PARD3B: variants seen among roughly 807,000 people sequenced by gnomAD.
The protein encoded by PARD3B is par-3 family cell polarity regulator beta, also known as partitioning defective 3 homolog B.
A neutral mutation model predicts 130.2 loss-of-function variants in PARD3B; 103 were observed. That is an observed-to-expected ratio of 0.79 (90% CI 0.67 to 0.93). The LOEUF (loss-of-function observed/expected upper bound fraction) is 0.93. PARD3B is among the 40% of genes least tolerant of loss of function. PARD3B has a pLI of 0.00. For missense variants in PARD3B, 1,609 were observed against 1,499.2 expected, an observed-to-expected ratio of 1.07 and a Z score of -1.21; for synonymous variants, 583 against 553.2, an observed-to-expected ratio of 1.05 and a Z score of -0.76.
chr2:204,720,828 C>T (rs2125319335), intron 2 of PARD3B, among the ~76,000 whole-genome samples: 1 of 152,222 alleles, frequency 6.6e-6, no homozygotes, highest in African/African-American at 2.4e-5. Flanking sequence ...GCGGAAGTTT[C>T]AGCTGAAGGT....
At chr2:204,764,575 T>G (rs1263434970) in intron 2 of PARD3B, among the ~76,000 whole-genome samples, 1 of 152,092 alleles carries the variant, frequency 6.6e-6, no homozygotes, top group African/African-American at 2.4e-5. Flanking sequence ...TTGATAGAAG[T>G]TTTACTAAGA....
At chr2:204,583,480 T>C (rs1404726177) in intron 1 of PARD3B, among the ~76,000 whole-genome samples, 1 of 64,902 alleles carries the variant, frequency 1.5e-5, no homozygotes, top group Non-Finnish European at 3.0e-5. Flanking sequence ...TGTGGTGGGG[T>C]GGGGGGAGGG....
In PARD3B at chr2:205,200,112, A is replaced by C. The variant is rs535703638; in HGVS notation, c.2140+6792A>C. The stretch of plus-strand genomic sequence containing the variant: ...CATATAGGTTATGTTGATGTTTATA[A>C]AAGTATTTCCATTTGTTTTCTTATT... On this transcript the variant is annotated intron_variant, in intron 15 of 22. Transcript: ENST00000406610. Among the ~76,000 whole-genome samples, 54 of 152,304 alleles carry C rather than the reference A, an allele frequency of 3.5e-4. 1 individual carries two copies. Among genetic ancestry groups the C allele is most frequent in the South Asian group, 3.3e-3 (16 of 4,826 alleles).
Position 205,158,767 on chromosome 2 carries a change from C to T in PARD3B, c.1480C>T (p.Gln494Ter). 6.2e-7 allele frequency: 1 copy of T among 1,614,142 alleles called. No homozygotes were observed. Among genetic ancestry groups the T allele is most frequent in the Non-Finnish European group, 8.5e-7 (1 of 1,179,994 alleles). Residue 494 changes from glutamine to a stop codon, truncating the protein, a stop_gained, in exon 11 of 23, where the codon CAG (glutamine) becomes TAG (stop). Transcript: ENST00000406610. LOFTEE classifies it high-confidence loss of function. The surrounding 1 kb of genome is among the most constrained non-coding windows in gnomAD (Gnocchi z 5.4). ...CCALSLETSE[Q>*]LTFEIPLNDS... is the part of the protein sequence containing the mutation. ...TGCACTCTCTCTGGAGACAAGCGAG[C>T]AGCTCACCTTTGAGATCCCCCTGAA...
At chr2:204,893,022 G>T (rs1174353474) in intron 2 of PARD3B, among the ~76,000 whole-genome samples, 1 of 152,130 alleles carries the variant, frequency 6.6e-6, no homozygotes, top group Non-Finnish European at 1.5e-5. Flanking sequence ...CATAAAACTG[G>T]ATGAGACCAC....
At chr2:204,893,310 G>A (rs575195583) in intron 2 of PARD3B, among the ~76,000 whole-genome samples, 1 of 152,256 alleles carries the variant, frequency 6.6e-6, no homozygotes, top group South Asian at 2.1e-4. Flanking sequence ...GTATGAAAGT[G>A]GAGGCAGTGA....
At chr2:205,169,814 A>G (rs901317111) in intron 11 of PARD3B, among the ~76,000 whole-genome samples, 2 of 152,202 alleles carry the variant, frequency 1.3e-5, no homozygotes, top group African/African-American at 4.8e-5. Flanking sequence ...TTTTAGTAAC[A>G]AGATTCAGCC....
At chr2:205,245,742 G>A (rs377415999) in intron 15 of PARD3B, 36 bp from the exon 16 acceptor site, 64 of 1,517,446 alleles carry the variant, frequency 4.2e-5, no homozygotes, top group Admixed American at 1.0e-4. Flanking sequence ...TTTACAAGCC[G>A]GTCTGATCCT....
intron 2 of PARD3B, among the ~76,000 whole-genome samples, chr2:204,724,729 T>C (rs1319786684): frequency 1.3e-5 from 2 of 152,002 alleles, no homozygotes; most frequent in African/African-American, 4.8e-5. Flanking sequence ...GAAAATACTG[T>C]CCTTGCTTTC....
At chr2:205,294,534 C>T (rs1390203608) in intron 16 of PARD3B, among the ~76,000 whole-genome samples, 5 of 152,092 alleles carry the variant, frequency 3.3e-5, no homozygotes, top group Admixed American at 3.3e-4. Flanking sequence ...CATTTGAACA[C>T]ACTTGAAGGG....
chr2:205,046,289 A>G (rs890256403), intron 3 of PARD3B, among the ~76,000 whole-genome samples: 2 of 151,790 alleles, frequency 1.3e-5, no homozygotes. Context: ...TCAAAGAACA[A>G]TTGCCAACCG....
intron 3 of PARD3B, among the ~76,000 whole-genome samples, chr2:204,983,353 G>T (rs6717826): frequency 1.3e-4 from 19 of 150,426 alleles, no homozygotes; most frequent in Middle Eastern, 3.2e-3. Context: ...GGTTCCAACC[G>T]AGGCTTTAAT....
intron 1 of PARD3B, among the ~76,000 whole-genome samples, chr2:204,631,290 A>C (rs2034671730): frequency 6.7e-6 from 1 of 148,714 alleles, no homozygotes; most frequent in Non-Finnish European, 1.5e-5. Context: ...TCGCTCTGTC[A>C]CCAGGCTGCA....
At chr2:204,768,719 C>A (rs2041242726) in intron 2 of PARD3B, among the ~76,000 whole-genome samples, 1 of 50,030 alleles carries the variant, frequency 2.0e-5, no homozygotes, top group Non-Finnish European at 3.6e-5. Context: ...TCCTTCACAT[C>A]CCTTGTAAGT....
intron 21 of PARD3B, among the ~76,000 whole-genome samples, chr2:205,520,309 G>A (rs1300084491): frequency 6.6e-6 from 1 of 152,134 alleles, no homozygotes; most frequent in Non-Finnish European, 1.5e-5. Context: ...GGGAAACATG[G>A]GAGATGGACT....
rs879622608 is a variant in PARD3B, at chr2:205,116,269, C to T, written c.681-2652C>T. On this transcript the variant is annotated intron_variant, in intron 6 of 22. Coordinates refer to ENST00000406610, the MANE Select transcript of PARD3B (RefSeq NM_001302769.2). The surrounding 1 kb of genome is among the most constrained non-coding windows in gnomAD (Gnocchi z 4.5). ...GTTTCAGTACAGATGCATAATATGC[C>T]TCAGTTTCATAGGGAAGACAGCTAA... 2.6e-5 allele frequency among the ~76,000 whole-genome samples: 4 copies of T among 151,944 alleles called. No individual in the cohort carries two copies. Among genetic ancestry groups the T allele is most frequent in the Admixed American group, 2.0e-4 (3 of 15,244 alleles).
chr2:204,668,205 T>C (rs1200091523), intron 1 of PARD3B, among the ~76,000 whole-genome samples: 2 of 152,188 alleles, frequency 1.3e-5, no homozygotes, highest in African/African-American at 4.8e-5. Flanking sequence ...TAAAGGTCAA[T>C]GGATGGACTG....
chr2:205,002,528 C>T (rs941472972), intron 3 of PARD3B, among the ~76,000 whole-genome samples: 1 of 152,168 alleles, frequency 6.6e-6, no homozygotes, highest in Admixed American at 6.5e-5. Flanking sequence ...TGTCCTGAAG[C>T]AGTGCCTTTT....
chr2:205,002,563 T>G (rs1038569893), intron 3 of PARD3B, among the ~76,000 whole-genome samples: 3 of 152,270 alleles, frequency 2.0e-5, no homozygotes, highest in South Asian at 2.1e-4. Flanking sequence ...GCTCAACCAC[T>G]TCTTATCTCT....
Sources: gnomAD v4.1 joint callset for allele counts (sites outside exome capture counted in the v4.1 genomes callset) on GRCh38, gnomAD v4.1.1 for gene constraint, Gnocchi (gnomAD v3.1) non-coding constraint, MANE v1.5 for transcripts, NCBI Gene and HGNC (gene_info 2026-07-23, HGNC 2026-07-21) for gene names.